Variants in FBXL2 observed in about 807,000 individuals in gnomAD.
FBXL2 encodes the protein F-box/LRR-repeat protein 2.
In FBXL2, 38 loss-of-function variants were observed where a neutral mutation model predicts 69.2. The ratio of observed to expected loss-of-function variants is 0.55; its 90% CI spans 0.42 to 0.72. FBXL2 has a LOEUF of 0.72. FBXL2 is among the 30% of genes least tolerant of loss of function. FBXL2 has a pLI of 0.00. For synonymous variants in FBXL2, 192 were observed against 201.3 expected (o/e 0.95, Z 0.39); for missense variants, 354 against 520.3 (o/e 0.68, Z 3.11).
chr3:33,331,005 A>G (rs977099531), intron 2 of FBXL2, among the ~76,000 whole-genome samples: 2 of 150,984 alleles, frequency 1.3e-5, no homozygotes, highest in Non-Finnish European at 3.0e-5. Context: ...TATATCTTAC[A>G]TGTACCTGAA....
chr3:33,414,460 ACAAT>A, the FBXL2 span, among the ~76,000 whole-genome samples: 1 of 152,176 alleles, frequency 6.6e-6, no homozygotes, highest in Non-Finnish European at 1.5e-5. Flanking sequence ...CGAAAACAGA[ACAAT>A]CAGAGAAAGC....
At chr3:33,416,594 A>G in the FBXL2 span, among the ~76,000 whole-genome samples, 2 of 152,208 alleles carry the variant, frequency 1.3e-5, no homozygotes, top group South Asian at 2.1e-4. Flanking sequence ...ACTCTACCCA[A>G]TAACTGCTAT....
intron 2 of FBXL2, among the ~76,000 whole-genome samples, chr3:33,334,377 T>A (rs1319618736): frequency 6.6e-6 from 1 of 152,178 alleles, no homozygotes; most frequent in Non-Finnish European, 1.5e-5. Context: ...CAAATAGAAT[T>A]TCTATAACTG....
At chr3:33,359,419 C>T (rs1050549203) in intron 4 of FBXL2, 62 bp downstream of exon 4, 2 of 1,189,290 alleles carry the variant, frequency 1.7e-6, no homozygotes, top group African/African-American at 1.5e-5. Flanking sequence ...TTCCCCCTTT[C>T]CTGACTTTTT....
intron 5 of FBXL2, 192 bp from the exon 6 acceptor site, chr3:33,372,900 T>G: frequency 3.2e-6 from 2 of 623,202 alleles, no homozygotes; most frequent in Non-Finnish European, 5.7e-6. Context: ...TGGGAGTTTC[T>G]TTGAACTGCA....
At chr3:33,342,790 A>G (rs1170588887) in intron 2 of FBXL2, among the ~76,000 whole-genome samples, 1 of 114,116 alleles carries the variant, frequency 8.8e-6, no homozygotes, top group Non-Finnish European at 1.6e-5. Context: ...CAGTGGCGCG[A>G]TCTCGGCTCA....
the FBXL2 span, chr3:33,416,935 T>C: frequency 3.0e-6 from 3 of 994,524 alleles, no homozygotes; most frequent in Non-Finnish European, 4.5e-6. Flanking sequence ...CATTACACAA[T>C]GATAGTTTGT....
chr3:33,416,908 A>T, the FBXL2 span: 5 of 1,279,772 alleles, frequency 3.9e-6, no homozygotes, highest in South Asian at 3.7e-5. Context: ...TTCAAAATGC[A>T]TGTTTCTCAG....
intron 2 of FBXL2, among the ~76,000 whole-genome samples, chr3:33,301,238 C>A (rs1441297946): frequency 6.6e-6 from 1 of 152,044 alleles, no homozygotes; most frequent in Non-Finnish European, 1.5e-5. Context: ...GTCTGTTGTT[C>A]CTAATCTTGT....
At chr3:33,375,445 C>T (rs752862943) in intron 10 of FBXL2, 27 bp downstream of exon 10, 1 of 1,605,134 alleles carries the variant, frequency 6.2e-7, no homozygotes, top group Non-Finnish European at 8.5e-7. Flanking sequence ...TTTTGCTTTG[C>T]AGCTCAGAGT....
chr3:33,404,407 A>T (rs1375868926), downstream of FBXL2, among the ~76,000 whole-genome samples: 1 of 151,896 alleles, frequency 6.6e-6, no homozygotes, highest in Non-Finnish European at 1.5e-5. Context: ...GCGAGATTCC[A>T]TCTCAAAAAA....
At chr3:33,284,856 T>G (rs1169063842) in intron 1 of FBXL2, among the ~76,000 whole-genome samples, 2 of 152,200 alleles carry the variant, frequency 1.3e-5, no homozygotes. Flanking sequence ...TTATCAAAGA[T>G]AGAATTGCAA....
chr3:33,397,887 A>AACTTAT (rs1035471198), intron 12 of FBXL2: 11 of 152,194 alleles, frequency 7.2e-5, no homozygotes, highest in Admixed American at 7.2e-4. Context: ...AAGAAAAAAA[A>AACTTAT]ACTTACATAT....
intron 12 of FBXL2, chr3:33,402,807 G>C (rs2044279660): frequency 6.3e-7 from 1 of 1,581,606 alleles, no homozygotes; most frequent in Non-Finnish European, 8.6e-7. Context: ...ATACCTGTCT[G>C]GGACACTGCA....
intron 1 of FBXL2, among the ~76,000 whole-genome samples, chr3:33,295,868 T>C (rs1050765695): frequency 6.6e-6 from 1 of 152,252 alleles, no homozygotes; most frequent in Non-Finnish European, 1.5e-5. Flanking sequence ...CATTTACATA[T>C]CTTCTTTGCA....
rs113226520 is a variant in FBXL2 at position 33,381,237 on chromosome 3, A to G, written c.951+2496A>G. Among the ~76,000 whole-genome samples, 860 of 152,346 alleles carry G rather than the reference A, an allele frequency of 5.6e-3. 5 individuals carry two copies. The highest frequency in any genetic ancestry group is 0.026 in the South Asian group (126 of 4,832). On this transcript the variant is annotated intron_variant, in intron 13 of 14. Transcript: ENST00000484457. ...GTTACTGTTAACTTCTTGATTTCTG[A>G]ATTTCCCTATATTAAAACAATGGAG...
Position 33,376,054 on chromosome 3 carries a change from G to A in FBXL2, c.788+636G>A, listed in dbSNP as rs533600668. Among the ~76,000 whole-genome samples, 61 of 152,140 alleles carry A rather than the reference G, an allele frequency of 4.0e-4. 2 individuals carry two copies. In the South Asian group the frequency reaches 0.012, roughly 31 times the overall value. ...GCCTGTAATTCCAGCTACTCGGAAT[G>A]CTGAGGCAGGAGAATTGCTTGAACC... On this transcript the variant is annotated intron_variant, in intron 10 of 14. Transcript: ENST00000484457.
intron 1 of FBXL2, among the ~76,000 whole-genome samples, chr3:33,295,939 G>A (rs2035706215): frequency 2.0e-5 from 3 of 152,130 alleles, no homozygotes; most frequent in Admixed American, 6.6e-5. Flanking sequence ...TTGAGTTTCA[G>A]AAGTTCTTTA....
At chr3:33,328,324 T>C (rs988141042) in intron 2 of FBXL2, among the ~76,000 whole-genome samples, 1 of 152,146 alleles carries the variant, frequency 6.6e-6, no homozygotes, top group Non-Finnish European at 1.5e-5. Context: ...ATATCAATGA[T>C]ATTCTTTACA....
Sources: gnomAD v4.1 joint callset for allele counts (sites outside exome capture counted in the v4.1 genomes callset) on GRCh38, gnomAD v4.1.1 for gene constraint, MANE v1.5 for transcripts, NCBI Gene and HGNC (gene_info 2026-07-23, HGNC 2026-07-21) for gene names.